The following DGKI variants were observed in gnomAD, a reference collection of about 807,000 sequenced individuals.
The protein encoded by DGKI is DAG kinase iota.
DGKI carries 55 observed loss-of-function variants against 147.5 expected under a neutral mutation model. The ratio of observed to expected loss-of-function variants is 0.37; its 90% CI spans 0.30 to 0.47. The LOEUF (loss-of-function observed/expected upper bound fraction) is 0.47. Ranked by LOEUF, DGKI falls within the 20% of genes least tolerant of loss-of-function variation. The pLI, the probability that DGKI is intolerant of heterozygous loss-of-function variation, is 1.00. For synonymous variants in DGKI, 469 were observed against 477.1 expected (o/e 0.98, Z 0.22); for missense variants, 1,007 against 1,323.8 (o/e 0.76, Z 3.71).
At chr7:137,455,738 A>AG (rs1441754654) in intron 27 of DGKI, among the ~76,000 whole-genome samples, 1 of 151,622 alleles carries the variant, frequency 6.6e-6, no homozygotes, top group Non-Finnish European at 1.5e-5. Flanking sequence ...TTCTTAGAGT[A>AG]GGGGGTTCAG....
intron 1 of DGKI, among the ~76,000 whole-genome samples, chr7:137,764,057 C>G (rs1231688801): frequency 2.0e-5 from 3 of 152,166 alleles, no homozygotes; most frequent in African/African-American, 7.2e-5. Flanking sequence ...CCCACATGGA[C>G]TTTGATCAGA....
chr7:137,468,348 G>C (rs1404859617), intron 24 of DGKI, among the ~76,000 whole-genome samples: 1 of 152,122 alleles, frequency 6.6e-6, no homozygotes, highest in African/African-American at 2.4e-5. Context: ...GGCTAAGACT[G>C]TCAGCCACAA....
chr7:137,415,879 C>T (rs1206448695), intron 28 of DGKI, among the ~76,000 whole-genome samples: 1 of 152,022 alleles, frequency 6.6e-6, no homozygotes, highest in Non-Finnish European at 1.5e-5. Context: ...ATCCCAGCTA[C>T]TCAGGAGGCT....
intron 21 of DGKI, among the ~76,000 whole-genome samples, chr7:137,513,129 A>T (rs543252004): frequency 5.9e-5 from 9 of 152,298 alleles, no homozygotes; most frequent in African/African-American, 2.2e-4. Flanking sequence ...ACTTTCAACT[A>T]GTAAGCTTGC....
At chr7:137,399,361 AC>A (rs1811666012) in intron 30 of DGKI, among the ~76,000 whole-genome samples, 1 of 152,056 alleles carries the variant, frequency 6.6e-6, no homozygotes, top group South Asian at 2.1e-4. Flanking sequence ...TTTAACTCAT[AC>A]CTCTTTGTTC....
At chr7:137,524,941 G>A (rs1817090625) in intron 20 of DGKI, among the ~76,000 whole-genome samples, 1 of 152,084 alleles carries the variant, frequency 6.6e-6, no homozygotes. Context: ...GCTTACCAGT[G>A]TGTATCACCT....
At chr7:137,400,981 G>T (rs1811736462) in intron 30 of DGKI, among the ~76,000 whole-genome samples, 1 of 152,164 alleles carries the variant, frequency 6.6e-6, no homozygotes, top group Non-Finnish European at 1.5e-5. Context: ...CCTGCTTTAG[G>T]ATAACTGTTT....
At chr7:137,654,815 A>T in intron 4 of DGKI, 27 bp from the exon 5 acceptor site, 1 of 1,441,642 alleles carries the variant, frequency 6.9e-7, no homozygotes, top group Non-Finnish European at 9.7e-7. Flanking sequence ...AAAGTATATT[A>T]TATTAGAGAT....
At chr7:137,774,772 C>T (rs558020349) in intron 1 of DGKI, 1 of 152,248 alleles carries the variant, frequency 6.6e-6, no homozygotes, top group Admixed American at 6.5e-5. Flanking sequence ...GCCTTCTTTC[C>T]TCCTGTGAGC....
intron 20 of DGKI, among the ~76,000 whole-genome samples, chr7:137,524,929 G>A (rs1253747559): frequency 6.6e-6 from 1 of 151,998 alleles, no homozygotes; most frequent in Admixed American, 6.6e-5. Context: ...CCCCAATTTG[G>A]GGCTTACCAG....
At chr7:137,645,161 G>A (rs574876647) in intron 6 of DGKI, among the ~76,000 whole-genome samples, 8 of 152,320 alleles carry the variant, frequency 5.3e-5, no homozygotes, top group East Asian at 1.9e-4. Flanking sequence ...GCCAAAGTAC[G>A]ATGAGCCAGT....
chr7:137,604,149 C>A (rs1406433212), intron 10 of DGKI, among the ~76,000 whole-genome samples: 2 of 152,052 alleles, frequency 1.3e-5, no homozygotes, highest in East Asian at 3.9e-4. Context: ...GTTTTAATTC[C>A]ATCTGTTGAG....
intron 21 of DGKI, among the ~76,000 whole-genome samples, chr7:137,494,863 A>C (rs1375573241): frequency 6.6e-6 from 1 of 152,182 alleles, no homozygotes; most frequent in Non-Finnish European, 1.5e-5. Context: ...CCCCATTTCA[A>C]AGGCACAGAA....
intron 18 of DGKI, 69 bp downstream of exon 18, chr7:137,572,696 G>C: frequency 9.2e-7 from 1 of 1,092,258 alleles, no homozygotes; most frequent in East Asian, 2.4e-5. Flanking sequence ...AAACTTTTCT[G>C]TTATGAAAAC....
intron 5 of DGKI, among the ~76,000 whole-genome samples, chr7:137,648,633 G>T (rs1821915559): frequency 6.6e-6 from 1 of 152,160 alleles, no homozygotes; most frequent in African/African-American, 2.4e-5. Flanking sequence ...GAGCAGGATG[G>T]CACAAGATTT....
At chr7:137,722,114 A>G in intron 1 of DGKI, 1 of 1,598,714 alleles carries the variant, frequency 6.3e-7, no homozygotes, top group Non-Finnish European at 8.5e-7. Context: ...GGGAAGCCCC[A>G]TTGCAGCCGC....
At chr7:137,600,463 A>C (rs1819950314) in intron 10 of DGKI, among the ~76,000 whole-genome samples, 1 of 152,166 alleles carries the variant, frequency 6.6e-6, no homozygotes, top group African/African-American at 2.4e-5. Flanking sequence ...CAGAGACAAG[A>C]ATACCCAGTT....
At chr7:137,737,919 T>G (rs74694417) in intron 1 of DGKI, among the ~76,000 whole-genome samples, 3,225 of 152,216 alleles carry the variant, frequency 0.021, 113 homozygotes, top group African/African-American at 0.073. Context: ...TTCAATAATT[T>G]CTATGATTAA....
chr7:137,481,256 ATCTGCCTCTATTCCTTAGTAC>A (rs1815362360), intron 23 of DGKI, among the ~76,000 whole-genome samples: 1 of 152,162 alleles, frequency 6.6e-6, no homozygotes, highest in Non-Finnish European at 1.5e-5. Flanking sequence ...AGAATGGCAC[ATCTGCCTCTATTCCTTAGTAC>A]CTTTGTGATT....
Sources: gnomAD v4.1 joint callset for allele counts (sites outside exome capture counted in the v4.1 genomes callset) on GRCh38, gnomAD v4.1.1 for gene constraint, MANE v1.5 for transcripts, NCBI Gene and HGNC (gene_info 2026-07-23, HGNC 2026-07-21) for gene names.